The following INPP4B variants were observed in gnomAD, a reference collection of about 807,000 sequenced individuals.
INPP4B encodes inositol polyphosphate 4-phosphatase type II.
In INPP4B, 55 loss-of-function variants were observed where a neutral mutation model predicts 122.5. The ratio of observed to expected loss-of-function variants is 0.45; its 90% CI spans 0.36 to 0.56. The LOEUF is 0.56. Ranked by LOEUF, INPP4B falls within the 20% of genes least tolerant of loss-of-function variation. INPP4B has a pLI of 0.00. For synonymous variants in INPP4B, 403 were observed against 388.7 expected, an observed-to-expected ratio of 1.04 and a Z score of -0.43; for missense variants, 1,000 against 1,097.7, an observed-to-expected ratio of 0.91 and a Z score of 1.26.
At chr4:142,607,349 G>A (rs1032324557) in intron 2 of INPP4B, among the ~76,000 whole-genome samples, 4 of 152,064 alleles carry the variant, frequency 2.6e-5, no homozygotes, top group Non-Finnish European at 2.9e-5. Context: ...GGCTATAGCA[G>A]TAGCTTTTTC....
intron 15 of INPP4B, among the ~76,000 whole-genome samples, chr4:142,175,516 G>A (rs6828181): frequency 0.025 from 3,779 of 152,076 alleles, 167 homozygotes; most frequent in African/African-American, 0.084. Context: ...GCTAAGAAAC[G>A]CATTACTAGT....
intron 1 of INPP4B, among the ~76,000 whole-genome samples, chr4:142,770,086 C>A (rs989004307): frequency 6.6e-6 from 1 of 152,066 alleles, no homozygotes; most frequent in African/African-American, 2.4e-5. Flanking sequence ...CCTACAAATT[C>A]TGGTATGACG....
chr4:142,739,112 G>C (rs1767519896), intron 1 of INPP4B, among the ~76,000 whole-genome samples: 1 of 151,892 alleles, frequency 6.6e-6, no homozygotes, highest in African/African-American at 2.4e-5. Context: ...ATATCCCTTT[G>C]AAAACCATCA....
Position 142,505,155 on chromosome 4 carries a change from C to A in INPP4B, c.-190-42429G>T, listed in dbSNP as rs1384244073. Among the ~76,000 whole-genome samples, 3 of 151,356 alleles carry A rather than the reference C, an allele frequency of 2.0e-5. No homozygotes were observed. The Admixed American group carries it at 2.0e-4, about 10-fold the overall frequency. ...TCAAGGTGCTGAGGCAAGAGGATCCCTTGAGCCCAGGAATTCGAGGTTGCA... is the reference window on the plus strand; with the variant it reads ...TCAAGGTGCTGAGGCAAGAGGATCCATTGAGCCCAGGAATTCGAGGTTGCA... On this transcript the variant is annotated intron_variant, in intron 2 of 25. Transcript: ENST00000262992.
intron 2 of INPP4B, among the ~76,000 whole-genome samples, chr4:142,708,629 C>T (rs1207729052): frequency 2.6e-5 from 4 of 152,282 alleles, no homozygotes; most frequent in East Asian, 1.9e-4. Flanking sequence ...TGTTAAGCCA[C>T]GTGCACAGAG....
chr4:142,634,999 T>TA (rs879714406), intron 2 of INPP4B, among the ~76,000 whole-genome samples: 13 of 151,844 alleles, frequency 8.6e-5, no homozygotes, highest in Admixed American at 2.0e-4. Context: ...ATAACGAACT[T>TA]AAAAAAAATT....
At chr4:142,145,771 C>A (rs1444909875) in intron 18 of INPP4B, 69 bp downstream of exon 18, 18 of 1,452,414 alleles carry the variant, frequency 1.2e-5, no homozygotes, top group Non-Finnish European at 1.6e-5. Context: ...TCTTCTATAT[C>A]ATTTTTTTTT....
At chr4:142,212,627 C>G (rs377091295) in intron 12 of INPP4B, among the ~76,000 whole-genome samples, 10 of 152,164 alleles carry the variant, frequency 6.6e-5, no homozygotes, top group African/African-American at 2.4e-4. Flanking sequence ...GAGGAACACA[C>G]AGTAACCAGA....
chr4:142,823,251 G>A (rs1781017222), intron 1 of INPP4B, among the ~76,000 whole-genome samples: 1 of 152,118 alleles, frequency 6.6e-6, no homozygotes, highest in South Asian at 2.1e-4. Context: ...TATTAATGAA[G>A]TGAACTTTTT....
intron 1 of INPP4B, among the ~76,000 whole-genome samples, chr4:142,793,595 T>G (rs1776845595): frequency 6.6e-6 from 1 of 152,012 alleles, no homozygotes; most frequent in Non-Finnish European, 1.5e-5. Flanking sequence ...ACCAAGCACT[T>G]TAATCAATTG....
At chr4:142,797,376 T>C (rs1777396356) in intron 1 of INPP4B, among the ~76,000 whole-genome samples, 1 of 151,890 alleles carries the variant, frequency 6.6e-6, no homozygotes, top group South Asian at 2.1e-4. Flanking sequence ...AAAAAAAGCT[T>C]CCATAAATGT....
At chr4:142,627,065 C>A (rs916298001) in intron 2 of INPP4B, among the ~76,000 whole-genome samples, 2 of 152,008 alleles carry the variant, frequency 1.3e-5, no homozygotes, top group African/African-American at 2.4e-5. Context: ...AAGAGCCCTT[C>A]ACTGTGACAC....
At chr4:142,144,321 A>C (rs1341869475) in intron 18 of INPP4B, among the ~76,000 whole-genome samples, 1 of 151,896 alleles carries the variant, frequency 6.6e-6, no homozygotes, top group African/African-American at 2.4e-5. Context: ...AGTTTTGGCA[A>C]CATTAAACAA....
intron 9 of INPP4B, among the ~76,000 whole-genome samples, chr4:142,283,861 T>G (rs1752318001): frequency 6.6e-6 from 1 of 152,054 alleles, no homozygotes; most frequent in Non-Finnish European, 1.5e-5. Context: ...CATCCTAAAC[T>G]GAGGTATAGG....
chr4:142,233,952 T>A (rs761327029), intron 12 of INPP4B, among the ~76,000 whole-genome samples: 1 of 152,110 alleles, frequency 6.6e-6, no homozygotes, highest in Non-Finnish European at 1.5e-5. Context: ...ATCAGCTTCG[T>A]CCATAAAAAA....
rs188787127 is a variant in INPP4B at position 142,065,759 on chromosome 4, T to C, written c.2642+16272A>G. On this transcript the variant is annotated intron_variant, in intron 25 of 25. Transcript: ENST00000262992. ...ACAGGTACTAAAATTATTGTAGTGA[T>C]AGGTGTACAACTCTGTCAATATACT... Among the ~76,000 whole-genome samples the C allele has an allele frequency of 7.0e-3, 1,068 of 152,266 alleles. 4 individuals are homozygous for C. Among genetic ancestry groups the C allele is most frequent in the Non-Finnish European group, 0.012 (790 of 68,024 alleles).
rs146256878 is a variant in INPP4B at position 142,067,822 on chromosome 4, C to T, written c.2642+14209G>A. Among the ~76,000 whole-genome samples the T allele has an allele frequency of 4.4e-4, 67 of 152,190 alleles. 1 individual carries two copies. Among genetic ancestry groups the T allele is most frequent in the East Asian group, 2.3e-3 (12 of 5,168 alleles). The stretch of plus-strand genomic sequence containing the variant: ...AACGAACGAAGCCTCCAAGAACTAT[C>T]GGACTATGTGAAAAGACCAAATCTA... On this transcript the variant is annotated intron_variant, in intron 25 of 25. Coordinates refer to ENST00000262992, the MANE Select transcript of INPP4B (RefSeq NM_001101669.3).
At chr4:142,318,977 G>C (rs1001446380) in intron 7 of INPP4B, among the ~76,000 whole-genome samples, 20 of 152,170 alleles carry the variant, frequency 1.3e-4, no homozygotes, top group African/African-American at 4.8e-4. Flanking sequence ...TTGTTACAAT[G>C]AGCATGGGTA....
At position 142,499,470 on chromosome 4, in the gene INPP4B, A is replaced by G. The variant is rs549561754; in HGVS notation, c.-190-36744T>C. ...ATAGGTTAAAATTGTGTTTGTATAT[A>G]TAAACTACAGTATGCCTTATTGGAC... On this transcript the variant is annotated intron_variant, in intron 2 of 25. Coordinates refer to ENST00000262992, the MANE Select transcript of INPP4B (RefSeq NM_001101669.3). 7.6e-4 allele frequency among the ~76,000 whole-genome samples: 116 copies of G among 152,350 alleles called. 1 individual carries two copies. The Middle Eastern group carries it at 0.024, about 31-fold the overall frequency.
Sources: gnomAD v4.1 joint callset for allele counts (sites outside exome capture counted in the v4.1 genomes callset) on GRCh38, gnomAD v4.1.1 for gene constraint, MANE v1.5 for transcripts, NCBI Gene and HGNC (gene_info 2026-07-23, HGNC 2026-07-21) for gene names.